B3GALNT1: variants seen among roughly 807,000 people sequenced by gnomAD.
B3GALNT1 encodes the protein UDP-GalNAc:beta-1,3-N-acetylgalactosaminyltransferase 1.
In B3GALNT1, 17 loss-of-function variants were observed where a neutral mutation model predicts 27.3. The observed-to-expected ratio is 0.62, with a 90% CI of 0.43 to 0.94. B3GALNT1 has a LOEUF of 0.94. B3GALNT1 is among the 40% of genes least tolerant of loss of function. The pLI is 0.00. For synonymous variants in B3GALNT1, 141 were observed against 144.0 expected, an observed-to-expected ratio of 0.98 and a Z score of 0.15; for missense variants, 347 against 390.0, an observed-to-expected ratio of 0.89 and a Z score of 0.93.
At chr3:161,093,778 C>T (rs754664689) in intron 4 of B3GALNT1, among the ~76,000 whole-genome samples, 4 of 151,948 alleles carry the variant, frequency 2.6e-5, no homozygotes, top group African/African-American at 4.8e-5. Flanking sequence ...GCGGGAGGAT[C>T]GCTGGAGGCC....
chr3:161,104,284 C>A, intron 2 of B3GALNT1, 35 bp downstream of exon 2: 1 of 1,283,834 alleles, frequency 7.8e-7, no homozygotes, highest in South Asian at 1.3e-5. Flanking sequence ...AAAACTTGTT[C>A]CCAGTTGAAC....
intron 4 of B3GALNT1, 111 bp downstream of exon 4, chr3:161,101,028 G>A: frequency 1.4e-6 from 1 of 736,954 alleles, no homozygotes; most frequent in Non-Finnish European, 2.0e-6. Context: ...CAAATGCCAA[G>A]CTCCTTCTGC....
rs536035474 is a variant in B3GALNT1, at chr3:161,085,160, T to C, written c.*599A>G. On this transcript the variant is annotated 3_prime_UTR_variant, in exon 5 of 5. Transcript: ENST00000320474. ...TGTTTGCATGTAAAGAATGATTCACTATCCTTTTTATCTTGTATTGAAATC... is the reference window on the plus strand; with the variant it reads ...TGTTTGCATGTAAAGAATGATTCACCATCCTTTTTATCTTGTATTGAAATC... 234 of 152,726 alleles carry C rather than the reference T, an allele frequency of 1.5e-3. 1 individual carries two copies. Among genetic ancestry groups the C allele is most frequent in the African/African-American group, 5.5e-3 (227 of 41,594 alleles). The allele number at this position is 152,726 out of a possible 1,614,324, so 9.5% of individuals were successfully genotyped here. A position where few individuals can be genotyped will look rare whatever the true frequency, so the allele number is the denominator to read the frequency against.
chr3:161,091,581 G>A (rs1052949284), intron 4 of B3GALNT1, among the ~76,000 whole-genome samples: 2 of 152,164 alleles, frequency 1.3e-5, no homozygotes, highest in East Asian at 3.9e-4. Context: ...TCAGTTACCA[G>A]ATTCACTGTC....
intron 1 of B3GALNT1, chr3:161,104,904 A>G (rs1452473504): frequency 6.6e-6 from 1 of 152,468 alleles, no homozygotes; most frequent in Non-Finnish European, 1.5e-5. Flanking sequence ...CCCTGGGGCA[A>G]GGCAAGGTGG....
chr3:161,092,396 C>T (rs1429827597), intron 4 of B3GALNT1, among the ~76,000 whole-genome samples: 2 of 152,024 alleles, frequency 1.3e-5, no homozygotes, highest in Non-Finnish European at 2.9e-5. Context: ...AAACTACACA[C>T]AAGAAGTGAT....
chr3:161,099,523 G>C (rs1209380691), intron 4 of B3GALNT1, among the ~76,000 whole-genome samples: 2 of 152,200 alleles, frequency 1.3e-5, no homozygotes, highest in African/African-American at 4.8e-5. Context: ...GTGAAGTAAA[G>C]GAATAACTGG....
intron 4 of B3GALNT1, among the ~76,000 whole-genome samples, chr3:161,100,917 A>T (rs1001028656): frequency 4.6e-5 from 7 of 152,114 alleles, no homozygotes; most frequent in African/African-American, 1.7e-4. Flanking sequence ...AGCACATTTC[A>T]TGACACTGTA....
At chr3:161,100,009 A>G (rs1263104477) in intron 4 of B3GALNT1, among the ~76,000 whole-genome samples, 1 of 152,172 alleles carries the variant, frequency 6.6e-6, no homozygotes, top group Non-Finnish European at 1.5e-5. Flanking sequence ...TGGCTGAAGG[A>G]TCTGGGGATG....
chr3:161,101,577 T>C (rs895295015), intron 3 of B3GALNT1, among the ~76,000 whole-genome samples: 5 of 152,022 alleles, frequency 3.3e-5, no homozygotes, highest in African/African-American at 9.7e-5. Flanking sequence ...ATGCAGAGCG[T>C]GGTGGAAGAC....
intron 4 of B3GALNT1, 82 bp downstream of exon 4, chr3:161,101,057 G>A: frequency 3.6e-6 from 4 of 1,117,508 alleles, no homozygotes; most frequent in South Asian, 1.3e-5. Context: ...AGTGCCCCAG[G>A]AGAGACCAAC....
intron 4 of B3GALNT1, among the ~76,000 whole-genome samples, chr3:161,089,468 C>A (rs1723780005): frequency 6.6e-6 from 1 of 152,156 alleles, no homozygotes; most frequent in African/African-American, 2.4e-5. Context: ...AATATGCTAA[C>A]ATTCTTAGTA....
At chr3:161,089,155 G>A (rs561242129) in intron 4 of B3GALNT1, among the ~76,000 whole-genome samples, 1 of 152,314 alleles carries the variant, frequency 6.6e-6, no homozygotes, top group South Asian at 2.1e-4. Flanking sequence ...ATCTCTTGAA[G>A]CCTCAGTTTC....
chr3:161,104,668 A>C (rs1048043968), intron 1 of B3GALNT1: 3 of 220,018 alleles, frequency 1.4e-5, no homozygotes, highest in Non-Finnish European at 2.7e-5. Context: ...CCCGTTCTCC[A>C]CATTCCCCAC....
Position 161,086,755 on chromosome 3 carries a change from C to A in B3GALNT1, c.-1G>T. On this transcript the variant is annotated 5_prime_UTR_variant, in exon 5 of 5. Coordinates refer to ENST00000320474, the MANE Select transcript of B3GALNT1 (RefSeq NM_003781.4). ...GGACAGTCCAGAGAGCCGAGGCCAT[C>A]CACAGCAGCTCAGAAGCACGCGAGC... is the stretch of plus-strand genomic sequence containing the variant. 1 of 1,613,926 alleles carries A rather than the reference C, an allele frequency of 6.2e-7. No individual in the cohort carries two copies.
At chr3:161,103,974 G>T in intron 2 of B3GALNT1, 2 of 204,862 alleles carry the variant, frequency 9.8e-6, no homozygotes, top group Non-Finnish European at 2.0e-5. Flanking sequence ...TGATCTGCCC[G>T]CCTCGGCCTC....
chr3:161,097,454 A>G (rs968231916), intron 4 of B3GALNT1, among the ~76,000 whole-genome samples: 6 of 152,190 alleles, frequency 3.9e-5, no homozygotes, highest in Non-Finnish European at 8.8e-5. Context: ...AAACATGCAA[A>G]TAAATCTTAG....
Position 161,101,214 on chromosome 3 carries a change from G to A in B3GALNT1, c.-110C>T. The A allele has an allele frequency of 7.8e-7, 1 of 1,289,830 alleles. No homozygotes were observed. 79.9% of individuals were successfully genotyped at this position (1,289,830 alleles called of 1,614,324 possible). A position where few individuals can be genotyped will look rare whatever the true frequency, so the allele number is the denominator to read the frequency against. On this transcript the variant is annotated 5_prime_UTR_variant, in exon 4 of 5. Coordinates refer to ENST00000320474, the MANE Select transcript of B3GALNT1 (RefSeq NM_003781.4). ...GCGGGAAGAGCCAACAGGTCAACCG[G>A]GTCCAGGGAGCTAAGAAAACTGGAG...
intron 2 of B3GALNT1, 53 bp downstream of exon 2, chr3:161,104,266 G>A: frequency 7.9e-7 from 1 of 1,266,290 alleles, no homozygotes; most frequent in Admixed American, 2.4e-5. Flanking sequence ...CCTCCTGGGA[G>A]AAGCTAAAAA....
Sources: gnomAD v4.1 joint callset for allele counts (sites outside exome capture counted in the v4.1 genomes callset) on GRCh38, gnomAD v4.1.1 for gene constraint, MANE v1.5 for transcripts, NCBI Gene and HGNC (gene_info 2026-07-23, HGNC 2026-07-21) for gene names.